The following GHITM variants were observed in gnomAD, a reference collection of about 807,000 sequenced individuals.
The protein encoded by GHITM is growth hormone-inducible transmembrane protein.
Under a neutral mutation model 38.7 loss-of-function variants are expected in GHITM, and 24 were observed. The ratio of observed to expected loss-of-function variants is 0.62; its 90% CI spans 0.45 to 0.87. GHITM has a LOEUF of 0.87. Among genes scored for constraint, GHITM ranks in the 40% least tolerant of loss-of-function variants. The pLI is 0.00. For synonymous variants in GHITM, 154 were observed against 147.8 expected, an observed-to-expected ratio of 1.04 and a Z score of -0.30; for missense variants, 420 against 429.8, an observed-to-expected ratio of 0.98 and a Z score of 0.20.
chr10:84,149,890 A>G (rs954420572), intron 6 of GHITM, among the ~76,000 whole-genome samples, 165 bp from the exon 7 acceptor site: 2 of 152,230 alleles, frequency 1.3e-5, no homozygotes, highest in African/African-American at 2.4e-5. Flanking sequence ...GTAGTCACCA[A>G]TTTGGGCTGT....
chr10:84,150,897 A>G lies in GHITM; in HGVS notation c.953+17A>G. The G allele has an allele frequency of 2.6e-6, 4 of 1,528,780 alleles. No individual in the cohort carries two copies. Among genetic ancestry groups the G allele is most frequent in the Non-Finnish European group, 3.6e-6 (4 of 1,104,032 alleles). 94.7% of individuals were successfully genotyped at this position (1,528,780 alleles called of 1,614,324 possible). On this transcript the variant is annotated intron_variant, in intron 8 of 8. Transcript: ENST00000372134. The stretch of plus-strand genomic sequence containing the variant: ...CATTAACTCGTAAGTAATGCTTTTT[A>G]TTTAACACTGTTACTCTGTCACATA...
In GHITM at chr10:84,142,638, G is replaced by A. The variant is rs3816716; in HGVS notation, c.130-17G>A. 5.8e-6 allele frequency: 9 copies of A among 1,560,904 alleles called. No homozygotes were observed. The highest frequency in any genetic ancestry group is 3.4e-5 in the South Asian group (3 of 89,136). On this transcript the variant is annotated splice_polypyrimidine_tract_variant and intron_variant, in intron 2 of 8. Coordinates refer to ENST00000372134, the MANE Select transcript of GHITM (RefSeq NM_014394.3). The stretch of plus-strand genomic sequence containing the variant: ...TTTCATGTGGGTGGTACGTGTCTTT[G>A]TTTGCATGTGTGTCAGGAATATGCC...
At chr10:84,141,219 T>G (rs1376456270) in intron 1 of GHITM, among the ~76,000 whole-genome samples, 1 of 152,260 alleles carries the variant, frequency 6.6e-6, no homozygotes, top group Admixed American at 6.5e-5. Flanking sequence ...TTGGTCAAAC[T>G]GGGACTTAAA....
At chr10:84,145,613 T>G (rs1338024475) in intron 5 of GHITM, among the ~76,000 whole-genome samples, 2 of 152,246 alleles carry the variant, frequency 1.3e-5, no homozygotes, top group South Asian at 2.1e-4. Context: ...AAGAGCAGAA[T>G]AGTGCTGCTA....
rs764382679 is a variant in GHITM at position 84,152,368 on chromosome 10, T to C, written c.*20T>C. 2 of 1,397,522 alleles carry C rather than the reference T, an allele frequency of 1.4e-6. No homozygotes were observed. Among genetic ancestry groups the C allele is most frequent in the Admixed American group, 3.5e-5 (2 of 57,252 alleles). 86.6% of individuals were successfully genotyped at this position (1,397,522 alleles called of 1,614,324 possible). On this transcript the variant is annotated 3_prime_UTR_variant, in exon 9 of 9. Coordinates refer to ENST00000372134, the MANE Select transcript of GHITM (RefSeq NM_014394.3). The stretch of plus-strand genomic sequence containing the variant: ...AAATGAAGTGACTCAGCTTCTGGCT[T>C]CTCTGCTACATCAAATATCTTGTTT...
rs767348395 is a variant in GHITM at position 84,142,742 on chromosome 10, A to C, written c.217A>C (p.Lys73Gln). 2 of 1,584,998 alleles carry C rather than the reference A, an allele frequency of 1.3e-6. No homozygotes were observed. Among genetic ancestry groups the C allele is most frequent in the Admixed American group, 1.7e-5 (1 of 59,626 alleles). ...GGCAGCATTGGAACCATCGATGGAAAAAATATTTAAAAGTAGGTGGCTATC... is the reference window on the plus strand; with the variant it reads ...GGCAGCATTGGAACCATCGATGGAACAAATATTTAAAAGTAGGTGGCTATC... Reference protein sequence around the residue: ...KEAALEPSMEKIFKIDQMGRW... With the variant: ...KEAALEPSMEQIFKIDQMGRW... Residue 73 changes from lysine (K) to glutamine (Q), a missense_variant, in exon 3 of 9, where the codon AAA (lysine) becomes CAA (glutamine). Lys to Gln is a moderately conservative substitution (Grantham distance 53). Transcript: ENST00000372134.
Position 84,152,276 on chromosome 10 carries a change from C to T in GHITM, c.966C>T (p.Ile322=), listed in dbSNP as rs200970848. 1.8e-3 allele frequency: 2,791 copies of T among 1,580,706 alleles called. 4 individuals are homozygous for T. Among genetic ancestry groups the T allele is most frequent in the Non-Finnish European group, 2.2e-3 (2,558 of 1,151,794 alleles). The change falls in exon 9 of 9, where the codon ATC becomes ATT. Residue 322 remains isoleucine (I), a synonymous_variant. Coordinates refer to ENST00000372134, the MANE Select transcript of GHITM (RefSeq NM_014394.3). ...KYDPINSMLS[I]YMDTLNIFMR... ...TTTTCTTTTCTAGGATGCTGAGTATCTACATGGATACATTAAATATATTTA... is the reference window on the plus strand; with the variant it reads ...TTTTCTTTTCTAGGATGCTGAGTATTTACATGGATACATTAAATATATTTA...
rs1841596604 is a variant in GHITM at position 84,150,101 on chromosome 10, T to C, written c.639T>C (p.Pro213=). 1 of 1,612,072 alleles carries C rather than the reference T, an allele frequency of 6.2e-7. No individual in the cohort carries two copies. Among genetic ancestry groups the C allele is most frequent in the Non-Finnish European group, 8.5e-7 (1 of 1,178,554 alleles). The change falls in exon 7 of 9, where the codon CCT becomes CCC. Residue 213 remains proline, a synonymous_variant. Transcript: ENST00000372134. ...VVAPLTILGG[P]LLIRAAWYTA... ...CTCCTCTGACAATATTAGGGGGTCCTCTTCTCATCAGAGCTGCATGGTACA... is the reference window on the plus strand; with the variant it reads ...CTCCTCTGACAATATTAGGGGGTCCCCTTCTCATCAGAGCTGCATGGTACA...
chr10:84,144,611 C>G (rs1429502733), intron 4 of GHITM, among the ~76,000 whole-genome samples: 1 of 152,192 alleles, frequency 6.6e-6, no homozygotes, highest in Non-Finnish European at 1.5e-5. Context: ...ACCTCAGCCT[C>G]CCAAAGTGCT....
At chr10:84,140,631 C>G (rs1412688675) in intron 1 of GHITM, 1 of 152,104 alleles carries the variant, frequency 6.6e-6, no homozygotes. Flanking sequence ...TTGGTTTACA[C>G]TCGTCATTTC....
chr10:84,150,641 T>C, intron 7 of GHITM, 68 bp from the exon 8 acceptor site: 1 of 1,263,870 alleles, frequency 7.9e-7, no homozygotes, highest in Non-Finnish European at 1.1e-6. Context: ...TTAAGTAATA[T>C]AAATCATAAA....
intron 4 of GHITM, 75 bp downstream of exon 4, chr10:84,144,181 T>C (rs1841534536): frequency 1.1e-6 from 1 of 878,352 alleles, no homozygotes; most frequent in African/African-American, 1.6e-5. Flanking sequence ...TTTCTTCTCA[T>C]TCCTATCTTT....
In GHITM at chr10:84,152,417, A is replaced by G; in HGVS notation, c.*69A>G. ...TTAATGGGGCAGATATGCATTAAATAGTTTGTACAAGCAGCTTTCGTTGAA... is the reference window on the plus strand; with the variant it reads ...TTAATGGGGCAGATATGCATTAAATGGTTTGTACAAGCAGCTTTCGTTGAA... On this transcript the variant is annotated 3_prime_UTR_variant, in exon 9 of 9. Coordinates refer to ENST00000372134, the MANE Select transcript of GHITM (RefSeq NM_014394.3). 1.3e-6 allele frequency: 1 copy of G among 785,062 alleles called. No homozygotes were observed. The highest frequency in any genetic ancestry group is 2.1e-6 in the Non-Finnish European group (1 of 465,152). 48.6% of individuals were successfully genotyped at this position (785,062 alleles called of 1,614,324 possible).
At chr10:84,139,949 G>C (rs1841489419) in intron 1 of GHITM, 1 of 152,422 alleles carries the variant, frequency 6.6e-6, no homozygotes, top group African/African-American at 2.4e-5. Flanking sequence ...GTTCTCATCT[G>C]AATCTAGCGG....
intron 6 of GHITM, among the ~76,000 whole-genome samples, chr10:84,149,204 A>G (rs1260560361): frequency 6.6e-6 from 1 of 152,224 alleles, no homozygotes; most frequent in African/African-American, 2.4e-5. Context: ...TGTGCTAAAA[A>G]TGTTGCTGCG....
At chr10:84,150,920 A>G (rs778771878) in intron 8 of GHITM, 40 bp downstream of exon 8, 6 of 1,378,868 alleles carry the variant, frequency 4.4e-6, no homozygotes, top group African/African-American at 1.4e-5. Context: ...ACTCTGTCAC[A>G]TAAGGATGCT....
chr10:84,150,065 T>G lies in GHITM; in HGVS notation c.603T>G (p.Gly201=). 1 of 1,591,412 alleles carries G rather than the reference T, an allele frequency of 6.3e-7. No homozygotes were observed. The highest frequency in any genetic ancestry group is 8.6e-7 in the Non-Finnish European group (1 of 1,165,592). Residue 201 remains glycine (G), a synonymous_variant, in exon 7 of 9, where the codon GGT becomes GGG. Coordinates refer to ENST00000372134, the MANE Select transcript of GHITM (RefSeq NM_014394.3). ...LAWLLHSGVM[G]AVVAPLTILG... is the part of the protein sequence containing the mutation. ...TTCCTCTTTCTCCAGGTGTGATGGG[T>G]GCAGTGGTGGCTCCTCTGACAATAT...
Position 84,141,498 on chromosome 10 carries a change from A to C in GHITM, c.-3A>C. On this transcript the variant is annotated 5_prime_UTR_variant, in exon 2 of 9. Coordinates refer to ENST00000372134, the MANE Select transcript of GHITM (RefSeq NM_014394.3). ...TGCTCGGTAGACCTGGTGCACCACC[A>C]CCATGTTGGCTGCAAGGCTGGTGTG... 6.2e-7 allele frequency: 1 copy of C among 1,613,834 alleles called. No homozygotes were observed. The highest frequency in any genetic ancestry group is 8.5e-7 in the Non-Finnish European group (1 of 1,179,838).
chr10:84,151,012 CT>C, intron 8 of GHITM, 132 bp downstream of exon 8: 1 of 570,290 alleles, frequency 1.8e-6, no homozygotes, highest in Non-Finnish European at 3.1e-6. Context: ...GACTGGGTGG[CT>C]TAAAACAAAA....
Sources: gnomAD v4.1 joint callset for allele counts (sites outside exome capture counted in the v4.1 genomes callset) on GRCh38, gnomAD v4.1.1 for gene constraint, MANE v1.5 for transcripts, NCBI Gene and HGNC (gene_info 2026-07-23, HGNC 2026-07-21) for gene names.